Variants in TSPAN4 observed in about 807,000 individuals in gnomAD.
TSPAN4 encodes tetraspanin 4.
Under a neutral mutation model 31.5 loss-of-function variants are expected in TSPAN4, and 38 were observed. The observed-to-expected ratio is 1.21, with a 90% CI of 0.93 to 1.58. The LOEUF (loss-of-function observed/expected upper bound fraction) is 1.58, where lower values mean the gene tolerates loss of function less well. TSPAN4 is among the 40% of genes most tolerant of loss of function. The pLI is 0.00. For missense variants in TSPAN4, 330 were observed against 317.3 expected, an observed-to-expected ratio of 1.04 and a Z score of -0.30; for synonymous variants, 186 against 144.6, an observed-to-expected ratio of 1.29 and a Z score of -2.06.
At chr11:858,993 C>CCCCT in intron 3 of TSPAN4, among the ~76,000 whole-genome samples, 1 of 140,664 alleles carries the variant, frequency 7.1e-6, no homozygotes, top group Non-Finnish European at 1.6e-5. Context: ...ACACGCACCC[C>CCCCT]TGGGTCACAC....
chr11:850,301 C>A lies in TSPAN4; in HGVS notation c.-4C>A. The stretch of plus-strand genomic sequence containing the variant: ...TCTTCCTCCTAGAACTGAAGCGCTG[C>A]GGCATGGCGCGCGCCTGCCTCCAGG... On this transcript the variant is annotated 5_prime_UTR_variant, in exon 3 of 9. Transcript: ENST00000397397. 1 of 1,606,410 alleles carries A rather than the reference C, an allele frequency of 6.2e-7. No homozygotes were observed. Among genetic ancestry groups the A allele is most frequent in the South Asian group, 1.1e-5 (1 of 90,694 alleles).
Position 864,506 on chromosome 11 carries a change from G to C in TSPAN4, c.325G>C (p.Asp109His). 6.2e-7 allele frequency: 1 copy of C among 1,612,410 alleles called. No homozygotes were observed. Among genetic ancestry groups the C allele is most frequent in the South Asian group, 1.1e-5 (1 of 91,088 alleles). ...TIAILFFAYT[D>H]KIDRYAQQDL... ...CGCCATCCTCTTCTTCGCCTACACGGACAAGGTACGGCTGCCTTGGCCGCA... is the reference window on the plus strand; with the variant it reads ...CGCCATCCTCTTCTTCGCCTACACGCACAAGGTACGGCTGCCTTGGCCGCA... Residue 109 changes from aspartate (D) to histidine (H), a missense_variant, in exon 5 of 9, where the codon GAC becomes CAC. Asp to His is a moderately conservative substitution (Grantham distance 81). Coordinates refer to ENST00000397397, the MANE Select transcript of TSPAN4 (RefSeq NM_003271.5).
intron 1 of TSPAN4, among the ~76,000 whole-genome samples, chr11:845,801 T>G (rs983712745): frequency 1.3e-5 from 2 of 152,160 alleles, no homozygotes; most frequent in Admixed American, 1.3e-4. Flanking sequence ...GGGGGACCTC[T>G]GGACTATCTG....
chr11:844,552 G>C (rs529734281), intron 1 of TSPAN4: 5 of 152,246 alleles, frequency 3.3e-5, no homozygotes, highest in African/African-American at 1.2e-4. Context: ...GGCTCTACCT[G>C]AGGACCCTGG....
intron 3 of TSPAN4, chr11:857,890 C>T (rs1848151367): frequency 6.6e-6 from 1 of 152,338 alleles, no homozygotes; most frequent in Non-Finnish European, 1.5e-5. Context: ...TTCCCTCTGA[C>T]CTCCTGCCCT....
intron 1 of TSPAN4, chr11:844,194 G>T (rs1255688619): frequency 6.5e-6 from 1 of 152,734 alleles, no homozygotes; most frequent in Non-Finnish European, 1.5e-5. Flanking sequence ...GAGGTGAGGG[G>T]GGCAGGGGGG....
At chr11:861,734 T>A (rs1848470582) in intron 3 of TSPAN4, among the ~76,000 whole-genome samples, 1 of 147,050 alleles carries the variant, frequency 6.8e-6, no homozygotes, top group South Asian at 2.2e-4. Flanking sequence ...AAAAAGACTA[T>A]TGTGGCTAAA....
intron 2 of TSPAN4, chr11:850,055 C>T (rs1405927244): frequency 3.1e-6 from 1 of 325,672 alleles, no homozygotes; most frequent in Non-Finnish European, 5.6e-6. Flanking sequence ...CGGACGAGTC[C>T]ACGTACCGGC....
intron 3 of TSPAN4, among the ~76,000 whole-genome samples, chr11:850,629 C>G: frequency 6.6e-6 from 1 of 152,296 alleles, no homozygotes; most frequent in Middle Eastern, 3.4e-3. Context: ...CTCCTCTCCT[C>G]TCCTCACTTG....
chr11:847,153 C>T (rs1411767106), intron 1 of TSPAN4, 48 bp from the exon 2 acceptor site: 1 of 152,316 alleles, frequency 6.6e-6, no homozygotes, highest in East Asian at 1.9e-4. Flanking sequence ...GGCTGTACAG[C>T]TGAGGGTGGA....
At chr11:854,453 G>A (rs542790433) in intron 3 of TSPAN4, among the ~76,000 whole-genome samples, 60 of 152,100 alleles carry the variant, frequency 3.9e-4, no homozygotes, top group African/African-American at 1.3e-3. Flanking sequence ...GGCCTGGCTC[G>A]GGGGTTGAAT....
At chr11:851,052 G>A (rs537159922) in intron 3 of TSPAN4, among the ~76,000 whole-genome samples, 1 of 152,390 alleles carries the variant, frequency 6.6e-6, no homozygotes, top group South Asian at 2.1e-4. Context: ...GGTGTCCGGG[G>A]GGGCCCTGTG....
intron 3 of TSPAN4, among the ~76,000 whole-genome samples, chr11:860,440 G>A (rs1011854455): frequency 6.6e-6 from 1 of 152,204 alleles, no homozygotes; most frequent in Non-Finnish European, 1.5e-5. Flanking sequence ...GCTGGCTGAT[G>A]CACTGCTCAG....
chr11:843,439 AGGG>A (rs1367433154), intron 1 of TSPAN4: 1 of 151,992 alleles, frequency 6.6e-6, no homozygotes, highest in Non-Finnish European at 1.5e-5. Context: ...GAGGTCGGGG[AGGG>A]AGTCGTGGAA....
At chr11:858,976 C>A (rs1316994385) in intron 3 of TSPAN4, among the ~76,000 whole-genome samples, 1 of 138,468 alleles carries the variant, frequency 7.2e-6, no homozygotes, top group Non-Finnish European at 1.6e-5. Flanking sequence ...CACATGCACC[C>A]CGGCTCACAC....
At chr11:844,909 A>T (rs1847222405) in intron 1 of TSPAN4, among the ~76,000 whole-genome samples, 1 of 151,994 alleles carries the variant, frequency 6.6e-6, no homozygotes, top group Non-Finnish European at 1.5e-5. Context: ...GACCCCTCCC[A>T]CCCTGGGTGT....
intron 4 of TSPAN4, 104 bp from the exon 5 acceptor site, chr11:864,333 C>A (rs1196902000): frequency 2.1e-6 from 3 of 1,419,182 alleles, no homozygotes; most frequent in African/African-American, 1.4e-5. Context: ...GGTTTCCTGG[C>A]AGCACCAGGT....
At chr11:843,387 C>T (rs946123765) in intron 1 of TSPAN4, 1 of 152,054 alleles carries the variant, frequency 6.6e-6, no homozygotes, top group South Asian at 2.1e-4. Flanking sequence ...GCTCCCGACG[C>T]TCAGACGCGC....
At chr11:864,169 A>G in intron 4 of TSPAN4, 1 of 552,190 alleles carries the variant, frequency 1.8e-6, no homozygotes, top group Non-Finnish European at 3.3e-6. Context: ...GGGTTGCCCC[A>G]GGGATGGGGG....
Sources: allele counts gnomAD v4.1 joint callset (sites outside exome capture counted in the v4.1 genomes callset), GRCh38; gene constraint gnomAD v4.1.1; transcripts MANE v1.5; gene names NCBI Gene and HGNC (gene_info 2026-07-23, HGNC 2026-07-21).